LARGE1: variants seen among roughly 807,000 people sequenced by gnomAD.
LARGE1 encodes LARGE xylosyl- and glucuronyltransferase 1.
LARGE1 carries 43 observed loss-of-function variants against 87.6 expected under a neutral mutation model. That is an observed-to-expected ratio of 0.49 (90% CI 0.38 to 0.63). LARGE1 has a LOEUF of 0.63. Ranked by LOEUF, LARGE1 falls within the 30% of genes least tolerant of loss-of-function variation. The pLI, the probability that LARGE1 is intolerant of heterozygous loss-of-function variation, is 0.00. For synonymous variants in LARGE1, 434 were observed against 394.6 expected (o/e 1.10, Z -1.18); for missense variants, 802 against 1,000.2 (o/e 0.80, Z 2.67).
chr22:33,455,757 CA>C (rs35353034), intron 6 of LARGE1, among the ~76,000 whole-genome samples: 883 of 64,228 alleles, frequency 0.014, 4 homozygotes, highest in Middle Eastern at 0.028. Context: ...CTGTCTCAGC[CA>C]AAAAAAAAAA....
chr22:33,410,548 A>T (rs998129258), intron 7 of LARGE1, among the ~76,000 whole-genome samples: 3 of 152,026 alleles, frequency 2.0e-5, no homozygotes, highest in Non-Finnish European at 4.4e-5. Context: ...CTGCCATGTG[A>T]AGAAGATCCT....
chr22:33,366,063 T>A (rs939079322), intron 9 of LARGE1, among the ~76,000 whole-genome samples: 1 of 152,260 alleles, frequency 6.6e-6, no homozygotes, highest in Admixed American at 6.5e-5. Flanking sequence ...GTTTCCCTTT[T>A]CATTTAAAAA....
At chr22:33,917,556 T>C (rs1314240278) in intron 1 of LARGE1, among the ~76,000 whole-genome samples, 1 of 152,202 alleles carries the variant, frequency 6.6e-6, no homozygotes, top group Non-Finnish European at 1.5e-5. Flanking sequence ...TGTGATTTTA[T>C]GATGACTGCA....
At chr22:33,218,047 A>G (rs1363296503) in intron 11 of LARGE1, among the ~76,000 whole-genome samples, 2 of 151,888 alleles carry the variant, frequency 1.3e-5, no homozygotes, top group African/African-American at 4.8e-5. Context: ...CTCCTGCCTC[A>G]GCCTCCCAAG....
intron 9 of LARGE1, among the ~76,000 whole-genome samples, chr22:33,369,738 T>G (rs1420557540): frequency 6.6e-6 from 1 of 152,070 alleles, no homozygotes; most frequent in Non-Finnish European, 1.5e-5. Context: ...CCGGCTAATT[T>G]TTATATTTTT....
chr22:33,632,002 G>T (rs1052780131), intron 3 of LARGE1, among the ~76,000 whole-genome samples: 1 of 152,194 alleles, frequency 6.6e-6, no homozygotes, highest in Non-Finnish European at 1.5e-5. Context: ...TGACTGTATA[G>T]ACATAACACT....
intron 1 of LARGE1, among the ~76,000 whole-genome samples, chr22:33,907,036 C>A (rs1410105239): frequency 3.9e-5 from 6 of 152,030 alleles, no homozygotes; most frequent in African/African-American, 9.7e-5. Flanking sequence ...AGACCCAGAA[C>A]AAGCACCCCT....
the LARGE1 span, among the ~76,000 whole-genome samples, chr22:33,131,631 T>C: frequency 1.3e-5 from 2 of 152,110 alleles, no homozygotes; most frequent in Admixed American, 1.3e-4. Flanking sequence ...CTGTCCTTCA[T>C]AAAACCATCA....
At chr22:33,891,086 G>A (rs62225060) in intron 1 of LARGE1, among the ~76,000 whole-genome samples, 2,408 of 150,884 alleles carry the variant, frequency 0.016, 29 homozygotes, top group South Asian at 0.041. Flanking sequence ...GTGAACTCTC[G>A]TCTCCTCAAC....
the LARGE1 span, among the ~76,000 whole-genome samples, chr22:33,089,299 TTCC>T: frequency 8.4e-4 from 124 of 147,594 alleles, no homozygotes; most frequent in South Asian, 1.7e-3. Flanking sequence ...CTTCTTCTTC[TTCC>T]TCTTCTTCTT....
At chr22:33,837,151 T>G (rs2063131717) in intron 1 of LARGE1, among the ~76,000 whole-genome samples, 1 of 152,028 alleles carries the variant, frequency 6.6e-6, no homozygotes, top group African/African-American at 2.4e-5. Flanking sequence ...GTGATTGAAA[T>G]GCCAAAGGCA....
chr22:33,230,927 T>G lies in LARGE1; in HGVS notation c.1731-64095A>C, dbSNP rs1267322987. Among the ~76,000 whole-genome samples the G allele has an allele frequency of 2.6e-5, 4 of 152,358 alleles. No individual in the cohort carries two copies. The East Asian group carries it at 7.7e-4, about 29-fold the overall frequency. ...CAGACTTAGATTGACATTCTAGGCC[T>G]TTCGCCATCGTGTCCTATTGTAACT... On this transcript the variant is annotated intron_variant, in intron 11 of 11. Transcript: ENST00000608642.
At chr22:33,413,049 G>C (rs2066364336) in intron 7 of LARGE1, among the ~76,000 whole-genome samples, 1 of 152,086 alleles carries the variant, frequency 6.6e-6, no homozygotes, top group South Asian at 2.1e-4. Flanking sequence ...ATGTGAGCTA[G>C]GACCCTAGCA....
intron 2 of LARGE1, among the ~76,000 whole-genome samples, chr22:33,703,803 G>A (rs2082472793): frequency 6.6e-6 from 1 of 152,200 alleles, no homozygotes; most frequent in African/African-American, 2.4e-5. Context: ...TTGGACTTCT[G>A]ACCTTCAGAA....
chr22:33,902,394 A>G lies in LARGE1; in HGVS notation c.-83+17601T>C, dbSNP rs371953286. ...GTCATAAAACTCATTTCACAACCCA[A>G]GTCCACCCTCAGAGTATCGCAGAGA... On this transcript the variant is annotated intron_variant, in intron 1 of 14. Coordinates refer to ENST00000397394, the MANE Select transcript of LARGE1 (RefSeq NM_133642.5). 7.2e-5 allele frequency among the ~76,000 whole-genome samples: 11 copies of G among 152,298 alleles called. No homozygotes were observed. The East Asian group carries it at 1.5e-3, about 21-fold the overall frequency.
intron 6 of LARGE1, among the ~76,000 whole-genome samples, chr22:33,520,150 C>T (rs948740233): frequency 6.6e-6 from 1 of 151,850 alleles, no homozygotes; most frequent in Non-Finnish European, 1.5e-5. Context: ...GGCTACAGGC[C>T]TGTGCTGCCA....
At chr22:33,727,227 C>G (rs952579608) in intron 2 of LARGE1, among the ~76,000 whole-genome samples, 1 of 152,174 alleles carries the variant, frequency 6.6e-6, no homozygotes, top group Non-Finnish European at 1.5e-5. Context: ...CAAGAAATGT[C>G]AGACTGTGCC....
chr22:33,213,013 G>A (rs577344209), intron 11 of LARGE1, among the ~76,000 whole-genome samples: 10 of 144,288 alleles, frequency 6.9e-5, no homozygotes, highest in South Asian at 4.5e-4. Context: ...GCAAGACTCC[G>A]TCTGAAAAAA....
chr22:33,910,681 G>A (rs1421032294), intron 1 of LARGE1, among the ~76,000 whole-genome samples: 1 of 152,166 alleles, frequency 6.6e-6, no homozygotes, highest in East Asian at 1.9e-4. Context: ...AGCAAGTGAA[G>A]GAAACCCCAC....
Sources: allele counts gnomAD v4.1 joint callset (sites outside exome capture counted in the v4.1 genomes callset), GRCh38; gene constraint gnomAD v4.1.1; transcripts MANE v1.5; gene names NCBI Gene and HGNC (gene_info 2026-07-23, HGNC 2026-07-21).